The following LMBRD2 variants were observed in gnomAD, a reference collection of about 807,000 sequenced individuals.
LMBRD2 encodes G protein-coupled receptor-associated protein LMBRD2.
Under a neutral mutation model 94.4 loss-of-function variants are expected in LMBRD2, and 55 were observed. That is an observed-to-expected ratio of 0.58 (90% CI 0.47 to 0.73). The LOEUF (loss-of-function observed/expected upper bound fraction) is 0.73. Among genes scored for constraint, LMBRD2 ranks in the 30% least tolerant of loss-of-function variants. The pLI, the probability that LMBRD2 is intolerant of heterozygous loss-of-function variation, is 0.00. For synonymous variants in LMBRD2, 246 were observed against 272.4 expected, an observed-to-expected ratio of 0.90 and a Z score of 0.95; for missense variants, 640 against 831.9, an observed-to-expected ratio of 0.77 and a Z score of 2.84.
intron 16 of LMBRD2, among the ~76,000 whole-genome samples, chr5:36,106,471 C>T (rs892656282): frequency 6.7e-6 from 1 of 148,154 alleles, no homozygotes; most frequent in Non-Finnish European, 1.5e-5. Context: ...AGATTGAAAT[C>T]TTACCTTTAG....
At chr5:36,147,858 T>C (rs753067255) in intron 1 of LMBRD2, 2 of 428,630 alleles carry the variant, frequency 4.7e-6, no homozygotes, top group South Asian at 1.7e-5. Context: ...GACAACAATT[T>C]TGTCAAAACC....
intron 6 of LMBRD2, among the ~76,000 whole-genome samples, chr5:36,133,002 TA>T (rs34516747): frequency 0.12 from 15,822 of 132,482 alleles, 1,482 homozygotes; most frequent in African/African-American, 0.28. Context: ...TCAAAAAAAT[TA>T]AAAAAAAAAA....
chr5:36,103,787 T>A lies in LMBRD2; in HGVS notation c.*259A>T. Reference sequence around the variant, plus strand: ...TGTTCTTAACATATGTTGATCTTTCTTAAAGTCCTTCCACTGTAACTGTAT... The same window carrying A: ...TGTTCTTAACATATGTTGATCTTTCATAAAGTCCTTCCACTGTAACTGTAT... On this transcript the variant is annotated 3_prime_UTR_variant, in exon 18 of 18. Coordinates refer to ENST00000296603, the MANE Select transcript of LMBRD2 (RefSeq NM_001007527.2). 1 of 263,154 alleles carries A rather than the reference T, an allele frequency of 3.8e-6. No homozygotes were observed. The highest frequency in any genetic ancestry group is 7.3e-6 in the Non-Finnish European group (1 of 136,596). 16.3% of individuals were successfully genotyped at this position (263,154 alleles called of 1,614,324 possible).
At chr5:36,137,082 T>C (rs1182391979) in intron 5 of LMBRD2, among the ~76,000 whole-genome samples, 192 bp downstream of exon 5, 2 of 152,184 alleles carry the variant, frequency 1.3e-5, no homozygotes, top group Non-Finnish European at 2.9e-5. Context: ...CTAAAATCTA[T>C]ATTTAAAGAT....
intron 4 of LMBRD2, among the ~76,000 whole-genome samples, chr5:36,139,088 T>C (rs1744341758): frequency 6.6e-6 from 1 of 152,194 alleles, no homozygotes; most frequent in Non-Finnish European, 1.5e-5. Flanking sequence ...TGCCCAGCTG[T>C]GGCTGTGGAC....
intron 6 of LMBRD2, among the ~76,000 whole-genome samples, chr5:36,132,148 T>G (rs1233478315): frequency 6.6e-6 from 1 of 151,850 alleles, no homozygotes; most frequent in East Asian, 1.9e-4. Context: ...CCAAAATAAA[T>G]CCATATATCT....
At chr5:36,144,152 G>C (rs897703685) in intron 1 of LMBRD2, among the ~76,000 whole-genome samples, 6 of 151,952 alleles carry the variant, frequency 3.9e-5, no homozygotes, top group African/African-American at 1.4e-4. Flanking sequence ...AGTCATCAGC[G>C]AATAGTTTAC....
intron 16 of LMBRD2, among the ~76,000 whole-genome samples, chr5:36,106,508 C>CTTTTTTTTTTTT (rs201602814): frequency 7.5e-6 from 1 of 132,868 alleles, no homozygotes. Context: ...TTTTTTCTTT[C>CTTTTTTTTTTTT]GTTTTTTTTT....
rs754123685 is a variant in LMBRD2 at position 36,116,480 on chromosome 5, A to G, written c.1416T>C (p.Tyr472=). 2.5e-6 allele frequency: 4 copies of G among 1,613,320 alleles called. No individual in the cohort carries two copies. The highest frequency in any genetic ancestry group is 2.2e-5 in the South Asian group (2 of 91,030). The stretch of plus-strand genomic sequence containing the variant: ...CTTACATGCCACTGAAAAGAAGGCT[A>G]TAAGCATCAGTCTGGTGATGTGAGG... ...YLASHHQTDA[Y]SLLFSGMLFC... is the part of the protein sequence containing the mutation. The change falls in exon 11 of 18, where the codon TAT becomes TAC. Residue 472 remains tyrosine, a synonymous_variant. Coordinates refer to ENST00000296603, the MANE Select transcript of LMBRD2 (RefSeq NM_001007527.2).
chr5:36,141,021 T>C (rs1406793728), intron 4 of LMBRD2, 86 bp downstream of exon 4: 2 of 728,002 alleles, frequency 2.7e-6, no homozygotes, highest in East Asian at 2.7e-5. Context: ...ATATGACACA[T>C]AAATAAATTC....
Position 36,098,940 on chromosome 5 carries a change from A to T in LMBRD2, c.*5106T>A, listed in dbSNP as rs1343961652. ...ATCATGCACCAAAAATGACCACAGT[A>T]ACATTTTGAAAAATTATGATCATAT... On this transcript the variant is annotated 3_prime_UTR_variant, in exon 18 of 18. Transcript: ENST00000296603. The T allele has an allele frequency of 6.6e-6, 1 of 152,130 alleles. No homozygotes were observed. Among genetic ancestry groups the T allele is most frequent in the Non-Finnish European group, 1.5e-5 (1 of 67,958 alleles). 9.4% of individuals were successfully genotyped at this position (152,130 alleles called of 1,614,324 possible).
chr5:36,101,456 A>C lies in LMBRD2; in HGVS notation c.*2590T>G, dbSNP rs1278746596. On this transcript the variant is annotated 3_prime_UTR_variant, in exon 18 of 18. Coordinates refer to ENST00000296603, the MANE Select transcript of LMBRD2 (RefSeq NM_001007527.2). ...AATTACCAGAAATAATTCTTTAAGA[A>C]ATGTACTTTGCATGTAAAGTATATG... The C allele has an allele frequency of 6.6e-6, 1 of 151,976 alleles. No individual in the cohort carries two copies. The highest frequency in any genetic ancestry group is 1.5e-5 in the Non-Finnish European group (1 of 67,874). 9.4% of individuals were successfully genotyped at this position (151,976 alleles called of 1,614,324 possible). A position where few individuals can be genotyped will look rare whatever the true frequency, so the allele number is the denominator to read the frequency against.
chr5:36,142,782 T>C lies in LMBRD2; in HGVS notation c.175-183A>G, dbSNP rs542884182. On this transcript the variant is annotated intron_variant, in intron 2 of 17. Transcript: ENST00000296603. ...CTCTGTCGCCCAGGCTGGAGTGCAG[T>C]GGCGCGATCTCGGCTTACTGCAAGC... The C allele has an allele frequency of 1.2e-5, 5 of 433,720 alleles. No individual in the cohort carries two copies. The East Asian group carries it at 1.3e-4, about 11-fold the overall frequency. The allele number at this position is 433,720 out of a possible 1,614,324, so 26.9% of individuals were successfully genotyped here. A position where few individuals can be genotyped will look rare whatever the true frequency, so the allele number is the denominator to read the frequency against.
chr5:36,125,948 C>G (rs998413658), intron 6 of LMBRD2, among the ~76,000 whole-genome samples: 1 of 152,176 alleles, frequency 6.6e-6, no homozygotes, highest in South Asian at 2.1e-4. Flanking sequence ...GGCCTCCAGG[C>G]GTAAGTGAGT....
chr5:36,122,677 A>G (rs939760790), intron 8 of LMBRD2, among the ~76,000 whole-genome samples, 171 bp downstream of exon 8: 20 of 152,216 alleles, frequency 1.3e-4, no homozygotes, highest in African/African-American at 4.6e-4. Context: ...CCAAACGCCA[A>G]TAATACCCCT....
intron 9 of LMBRD2, among the ~76,000 whole-genome samples, chr5:36,120,115 G>A (rs948908401): frequency 2.0e-5 from 3 of 148,182 alleles, no homozygotes; most frequent in Non-Finnish European, 3.0e-5. Flanking sequence ...CTGGAGTGTA[G>A]TGGTGCAATC....
intron 1 of LMBRD2, among the ~76,000 whole-genome samples, chr5:36,147,558 A>C (rs574921175): frequency 1.3e-5 from 2 of 152,306 alleles, no homozygotes; most frequent in East Asian, 3.9e-4. Context: ...AAAGTCTTAA[A>C]CATTTAAAAT....
At chr5:36,141,425 T>G (rs1353122018) in intron 3 of LMBRD2, among the ~76,000 whole-genome samples, 3 of 152,194 alleles carry the variant, frequency 2.0e-5, no homozygotes, top group African/African-American at 7.2e-5. Flanking sequence ...AAAATGTCAT[T>G]TAAGTTTTCA....
chr5:36,105,038 T>C (rs1743430616), intron 17 of LMBRD2, 30 bp downstream of exon 17: 3 of 1,607,118 alleles, frequency 1.9e-6, no homozygotes, highest in Non-Finnish European at 2.6e-6. Context: ...AGAGGAATGC[T>C]AGAGCTAAAA....
Sources: gnomAD v4.1 joint callset for allele counts (sites outside exome capture counted in the v4.1 genomes callset) on GRCh38, gnomAD v4.1.1 for gene constraint, MANE v1.5 for transcripts, NCBI Gene and HGNC (gene_info 2026-07-23, HGNC 2026-07-21) for gene names.